The following VWF variants were observed in gnomAD, a reference collection of about 807,000 sequenced individuals.
VWF encodes the protein Factor VIII related antigen.
Under a neutral mutation model 308.6 loss-of-function variants are expected in VWF, and 176 were observed. That is an observed-to-expected ratio of 0.57 (90% CI 0.50 to 0.65). VWF has a LOEUF of 0.65. Among genes scored for constraint, VWF ranks in the 30% least tolerant of loss-of-function variants. The probability of loss-of-function intolerance (pLI) is 0.00; values close to 1 mark genes in which losing one functional copy is unlikely to be tolerated. For missense variants in VWF, 3,146 were observed against 3,648.2 expected (o/e 0.86, Z 3.55); for synonymous variants, 1,385 against 1,443.4 (o/e 0.96, Z 0.92).
At chr12:6,050,980 T>C (rs11064010) in intron 16 of VWF, among the ~76,000 whole-genome samples, 121,750 of 149,972 alleles carry the variant, frequency 0.81, 49,982 homozygotes, top group Non-Finnish European at 0.86. Flanking sequence ...GAAGTGAACA[T>C]GGATTGAATG....
At chr12:6,106,008 A>G (rs1945239691) in intron 5 of VWF, among the ~76,000 whole-genome samples, 2 of 152,210 alleles carry the variant, frequency 1.3e-5, no homozygotes, top group African/African-American at 4.8e-5. Flanking sequence ...AGGCCACTGC[A>G]CTTCAGCCTG....
In VWF at chr12:6,046,342, A is replaced by G. The variant is rs117766199; in HGVS notation, c.2281+381T>C. 6.6e-6 allele frequency among the ~76,000 whole-genome samples: 1 copy of G among 152,334 alleles called. No homozygotes were observed. Among genetic ancestry groups the G allele is most frequent in the East Asian group, 1.9e-4 (1 of 5,190 alleles). ...TTCTCAAGGAAGAGCTGTCTTCATC[A>G]GCATGTCCATAGGAAACAAGAGGCC... On this transcript the variant is annotated intron_variant, in intron 17 of 51. Transcript: ENST00000261405. This position sits in a 1 kb window ranked among gnomAD's most constrained non-coding sequence, Gnocchi z 5.0.
In VWF at chr12:6,036,744, G is replaced by A. The variant is rs534853309; in HGVS notation, c.2443-253C>T. Among the ~76,000 whole-genome samples the A allele has an allele frequency of 2.4e-4, 36 of 152,308 alleles. No homozygotes were observed. In the East Asian group the frequency reaches 4.3e-3, roughly 18 times the overall value. On this transcript the variant is annotated intron_variant, in intron 18 of 51. Transcript: ENST00000261405. ...ACATGGCTCCTCCCTGTCAACTAAA[G>A]ACACTGACTGCCCTCTGCCCTCTCG...
chr12:6,008,758 G>T (rs1233006007), intron 34 of VWF, among the ~76,000 whole-genome samples: 1 of 152,126 alleles, frequency 6.6e-6, no homozygotes. Flanking sequence ...CATATGCATA[G>T]AAAACTCTAA....
intron 6 of VWF, among the ~76,000 whole-genome samples, chr12:6,092,564 G>A (rs962725967): frequency 2.0e-4 from 29 of 146,782 alleles, no homozygotes; most frequent in Admixed American, 4.7e-4. Context: ...TGCCCAGCTA[G>A]TGTGTGTGCG....
chr12:6,031,488 TGACCC>T lies in VWF; in HGVS notation c.2771_2775del (p.Arg924HisfsTer10), dbSNP rs1944261960. 2 of 1,614,170 alleles carry T rather than the reference TGACCC, an allele frequency of 1.2e-6. No homozygotes were observed. The highest frequency in any genetic ancestry group is 4.5e-5 in the East Asian group (2 of 44,878). On this transcript the variant is annotated frameshift_variant, in exon 21 of 52. Transcript: ENST00000261405. LOFTEE classifies it high-confidence loss of function. The stretch of plus-strand genomic sequence containing the variant: ...ATCTCTCCTCCCTCCACCAGGATGG[TGACCC>T]GTTTCTTGCATTTCACTGAGGGGTG...
chr12:5,977,490 T>G (rs996938682), intron 42 of VWF, among the ~76,000 whole-genome samples: 1 of 152,222 alleles, frequency 6.6e-6, no homozygotes, highest in Non-Finnish European at 1.5e-5. Flanking sequence ...AAAATATAAT[T>G]CATAATATGC....
rs777016276 is a variant in VWF, at chr12:6,075,566, G to A, written c.658-15C>T. The A allele has an allele frequency of 6.8e-6, 11 of 1,609,770 alleles. No individual in the cohort carries two copies. The highest frequency in any genetic ancestry group is 1.3e-5 in the African/African-American group (1 of 74,858). ...TCCCACAGGCCCTGCAGGAAGAGGG[G>A]CCGCCTCAGCGGTATGCTCCGTTAG... On this transcript the variant is annotated splice_polypyrimidine_tract_variant and intron_variant, in intron 6 of 51. Coordinates refer to ENST00000261405, the MANE Select transcript of VWF (RefSeq NM_000552.5). This position sits in a 1 kb window ranked among gnomAD's most constrained non-coding sequence, Gnocchi z 4.7.
chr12:5,968,212 C>G, intron 45 of VWF, 45 bp from the exon 46 acceptor site: 1 of 1,612,284 alleles, frequency 6.2e-7, no homozygotes, highest in Non-Finnish European at 8.5e-7. Flanking sequence ...AAAACACACC[C>G]TGGTGAGACC....
intron 43 of VWF, among the ~76,000 whole-genome samples, chr12:5,973,919 C>A (rs1943505322): frequency 6.6e-6 from 1 of 152,202 alleles, no homozygotes; most frequent in East Asian, 1.9e-4. Context: ...GGAAGCAAGG[C>A]CATCGCCTGA....
Position 6,034,714 on chromosome 12 carries a change from C to A in VWF, c.2659G>T (p.Gly887Trp). 6.2e-7 allele frequency: 1 copy of A among 1,614,124 alleles called. No homozygotes were observed. Among genetic ancestry groups the A allele is most frequent in the South Asian group, 1.1e-5 (1 of 91,078 alleles). The change falls in exon 20 of 52, where the codon GGG becomes TGG. Residue 887 changes from glycine to tryptophan, a missense_variant. This residue lies in a region of VWF where 1,304 missense variants were observed against 1,353.0 expected (regional missense o/e 0.96). Coordinates refer to ENST00000261405, the MANE Select transcript of VWF (RefSeq NM_000552.5). The part of the protein sequence containing the change: ...TFDGLKYLFP[G>W]ECQYVLVQDY... ...TGCACCAGAACGTACTGGCACTCCC[C>A]GGGGAACAGGTATTTGAGCCCGTCG...
chr12:6,083,957 C>T (rs888005471), intron 6 of VWF, among the ~76,000 whole-genome samples: 1 of 152,166 alleles, frequency 6.6e-6, no homozygotes, highest in Non-Finnish European at 1.5e-5. Context: ...AGGTAGAAGC[C>T]CCCACTGGGG....
chr12:6,095,336 G>A (rs566806512), intron 6 of VWF, 124 bp downstream of exon 6: 1 of 1,476,998 alleles, frequency 6.8e-7, no homozygotes, highest in East Asian at 2.3e-5. Context: ...GTTAGTTTTG[G>A]AGGAAATGGC....
In VWF at chr12:6,121,178, A is replaced by G. The variant is rs775912215; in HGVS notation, c.216T>C (p.Ile72=). 3 of 1,614,004 alleles carry G rather than the reference A, an allele frequency of 1.9e-6. No homozygotes were observed. In the Admixed American group the frequency reaches 5.0e-5, roughly 27 times the overall value. The part of the protein sequence containing the change: ...AGGCQKRSFS[I]IGDFQNGKRV... ...CCTGCAGTGCCCAGAACTCACCAAT[A>G]ATCGAGAAGGAGCGTTTCTGGCAGC... is the stretch of plus-strand genomic sequence containing the variant. The change falls in exon 3 of 52, where the codon ATT becomes ATC. Residue 72 remains isoleucine, a synonymous_variant. Coordinates refer to ENST00000261405, the MANE Select transcript of VWF (RefSeq NM_000552.5).
intron 21 of VWF, among the ~76,000 whole-genome samples, chr12:6,030,829 A>T (rs1944253538): frequency 6.6e-6 from 1 of 152,136 alleles, no homozygotes; most frequent in Non-Finnish European, 1.5e-5. Context: ...GGAGTTCGAG[A>T]CCAGCCTGGC....
chr12:5,983,974 G>GGATAGATAGATAGATA (rs71064178), intron 40 of VWF, among the ~76,000 whole-genome samples: 184 of 133,022 alleles, frequency 1.4e-3, no homozygotes, highest in African/African-American at 2.1e-3. Context: ...ATGGATAGAT[G>GGATAGATAGATAGATA]GATAGATAGA....
chr12:6,017,666 G>A (rs957006184), intron 28 of VWF, among the ~76,000 whole-genome samples: 2 of 152,156 alleles, frequency 1.3e-5, no homozygotes, highest in Admixed American at 1.3e-4. Context: ...TTTTAAGCAA[G>A]TAGGTGCTAT....
Position 6,030,397 on chromosome 12 carries a change from C to T in VWF, c.2821-909G>A, listed in dbSNP as rs370593512. On this transcript the variant is annotated intron_variant, in intron 21 of 51. Coordinates refer to ENST00000261405, the MANE Select transcript of VWF (RefSeq NM_000552.5). ...TGGTGAAGAATTCACCTCCCATCCC[C>T]TGCTGTCAATGGTGGGTATTTGGAA... Among the ~76,000 whole-genome samples the T allele has an allele frequency of 4.6e-5, 7 of 152,328 alleles. No individual in the cohort carries two copies. The South Asian group carries it at 8.3e-4, about 18-fold the overall frequency.
At position 6,046,616 on chromosome 12, in the gene VWF, G is replaced by T; in HGVS notation, c.2281+107C>A. 1 of 1,138,504 alleles carries T rather than the reference G, an allele frequency of 8.8e-7. No individual in the cohort carries two copies. Among genetic ancestry groups the T allele is most frequent in the Non-Finnish European group, 1.3e-6 (1 of 754,084 alleles). The allele number at this position is 1,138,504 out of a possible 1,614,324, so 70.5% of individuals were successfully genotyped here. On this transcript the variant is annotated intron_variant, in intron 17 of 51. Transcript: ENST00000261405. This position sits in a 1 kb window ranked among gnomAD's most constrained non-coding sequence, Gnocchi z 5.0. ...TGGGCGAAGCCAGACCCATGCCTGG[G>T]TGCACACGCACATCTGACGGTGTCA... is the stretch of plus-strand genomic sequence containing the variant.
Sources: gnomAD v4.1 joint callset for allele counts (sites outside exome capture counted in the v4.1 genomes callset) on GRCh38, gnomAD v4.1.1 for gene constraint, gnomAD v4.1.1 regional missense constraint, Gnocchi (gnomAD v3.1) non-coding constraint, MANE v1.5 for transcripts, NCBI Gene and HGNC (gene_info 2026-07-23, HGNC 2026-07-21) for gene names.